The following CDK14 variants were observed in gnomAD, a reference collection of about 807,000 sequenced individuals.
CDK14 encodes the protein cyclin-dependent kinase 14.
Under a neutral mutation model 60.7 loss-of-function variants are expected in CDK14, and 34 were observed. The observed-to-expected ratio is 0.56, with a 90% CI of 0.43 to 0.75. The LOEUF is 0.75. Ranked by LOEUF, CDK14 falls within the 30% of genes least tolerant of loss-of-function variation. The probability of loss-of-function intolerance (pLI) is 0.00; values close to 1 mark genes in which losing one functional copy is unlikely to be tolerated. For synonymous variants in CDK14, 197 were observed against 203.7 expected (o/e 0.97, Z 0.28); for missense variants, 482 against 564.1 (o/e 0.85, Z 1.47).
At chr7:91,073,489 G>C (rs1247330464) in intron 11 of CDK14, among the ~76,000 whole-genome samples, 1 of 152,098 alleles carries the variant, frequency 6.6e-6, no homozygotes, top group Non-Finnish European at 1.5e-5. Context: ...TCTTGCAAGA[G>C]CTCCTGAAGG....
intron 14 of CDK14, among the ~76,000 whole-genome samples, chr7:91,200,275 A>C (rs1248045842): frequency 6.6e-6 from 1 of 152,200 alleles, no homozygotes; most frequent in Admixed American, 6.5e-5. Context: ...ATATACAAAT[A>C]TGTGTGTGTA....
intron 2 of CDK14, among the ~76,000 whole-genome samples, chr7:90,658,561 A>G (rs74957278): frequency 0.048 from 7,236 of 152,282 alleles, 205 homozygotes; most frequent in Non-Finnish European, 0.055. Context: ...CATCCACTGT[A>G]TGGTCTTTTG....
chr7:91,128,665 T>G (rs1298402808), intron 14 of CDK14, among the ~76,000 whole-genome samples: 1 of 151,956 alleles, frequency 6.6e-6, no homozygotes, highest in Non-Finnish European at 1.5e-5. Context: ...GGTTTCCCAG[T>G]CTGTACCTTT....
At chr7:90,638,052 A>T (rs1800202458) in intron 2 of CDK14, among the ~76,000 whole-genome samples, 1 of 149,950 alleles carries the variant, frequency 6.7e-6, no homozygotes, top group Non-Finnish European at 1.5e-5. Context: ...TTTCCTGAAT[A>T]CAACACACTG....
At chr7:90,761,696 G>A (rs938894687) in intron 4 of CDK14, among the ~76,000 whole-genome samples, 10 of 152,124 alleles carry the variant, frequency 6.6e-5, no homozygotes, top group Admixed American at 4.6e-4. Context: ...GAGATGCTGC[G>A]GAATATCCTA....
chr7:90,723,696 C>T (rs1303746349), intron 2 of CDK14, among the ~76,000 whole-genome samples: 3 of 152,094 alleles, frequency 2.0e-5, no homozygotes, highest in Admixed American at 6.6e-5. Context: ...TTATTGGGAG[C>T]CATGTTAGAG....
intron 8 of CDK14, among the ~76,000 whole-genome samples, chr7:90,924,782 T>G (rs925631680): frequency 1.3e-5 from 2 of 152,168 alleles, no homozygotes; most frequent in African/African-American, 4.8e-5. Context: ...TCTTTCTTCC[T>G]TTTTTCCCTA....
intron 14 of CDK14, among the ~76,000 whole-genome samples, chr7:91,124,214 T>C (rs1799871657): frequency 6.6e-6 from 1 of 152,108 alleles, no homozygotes; most frequent in Non-Finnish European, 1.5e-5. Context: ...TATATTGACA[T>C]AATTTCATGT....
chr7:91,189,064 C>A (rs1190160550), intron 14 of CDK14, among the ~76,000 whole-genome samples: 1 of 152,152 alleles, frequency 6.6e-6, no homozygotes, highest in African/African-American at 2.4e-5. Context: ...CATTTTACTT[C>A]ATCATTAATG....
intron 10 of CDK14, among the ~76,000 whole-genome samples, chr7:91,045,310 G>A (rs1562880931): frequency 2.6e-5 from 4 of 152,212 alleles, no homozygotes; most frequent in African/African-American, 9.7e-5. Context: ...GATGGAGAAA[G>A]AAGGTAGACA....
In CDK14 at chr7:91,096,418, T is replaced by A. The variant is rs377418033; in HGVS notation, c.1155-16124T>A. 1.2e-3 allele frequency among the ~76,000 whole-genome samples: 183 copies of A among 152,250 alleles called. 2 individuals are homozygous for A. Among genetic ancestry groups the A allele is most frequent in the African/African-American group, 4.2e-3 (176 of 41,548 alleles). On this transcript the variant is annotated intron_variant, in intron 12 of 14. Transcript: ENST00000380050. The stretch of plus-strand genomic sequence containing the variant: ...CCATGTGAACGAATTACCTTGGAAG[T>A]GGATCCATCAGACCCAAACTTCAAA...
At chr7:90,880,458 G>A (rs1791708995) in intron 6 of CDK14, among the ~76,000 whole-genome samples, 1 of 152,310 alleles carries the variant, frequency 6.6e-6, no homozygotes, top group Admixed American at 6.5e-5. Flanking sequence ...ACCCTAGGGG[G>A]AGGAGTGGCC....
chr7:91,182,687 C>G lies in CDK14; in HGVS notation c.*29-24478C>G, dbSNP rs188462875. On this transcript the variant is annotated intron_variant, in intron 14 of 14. Transcript: ENST00000380050. Reference sequence around the variant, plus strand: ...AATGGTGATGTGCTTCTCTTTATACCACTATATGCACCTACCACCTGCCAT... The same window carrying G: ...AATGGTGATGTGCTTCTCTTTATACGACTATATGCACCTACCACCTGCCAT... Among the ~76,000 whole-genome samples, 207 of 152,142 alleles carry G rather than the reference C, an allele frequency of 1.4e-3. 1 individual carries two copies. The highest frequency in any genetic ancestry group is 4.6e-3 in the African/African-American group (193 of 41,516).
chr7:90,974,376 A>T (rs964823821), intron 9 of CDK14, among the ~76,000 whole-genome samples: 1 of 152,142 alleles, frequency 6.6e-6, no homozygotes, highest in African/African-American at 2.4e-5. Flanking sequence ...TCCTCAGCTT[A>T]TGAAGATTAC....
At chr7:90,787,368 T>C (rs1805639509) in intron 4 of CDK14, among the ~76,000 whole-genome samples, 2 of 152,188 alleles carry the variant, frequency 1.3e-5, no homozygotes, top group Admixed American at 6.5e-5. Flanking sequence ...TAAAAACTTT[T>C]CTATATGTAG....
intron 6 of CDK14, among the ~76,000 whole-genome samples, chr7:90,893,490 G>A (rs767082959): frequency 3.9e-4 from 59 of 152,298 alleles, no homozygotes; most frequent in Non-Finnish European, 1.5e-4. Context: ...TTGGTCATAT[G>A]CCATAGTGAT....
chr7:91,156,917 T>A (rs1801002517), intron 14 of CDK14, among the ~76,000 whole-genome samples: 1 of 152,194 alleles, frequency 6.6e-6, no homozygotes, highest in Non-Finnish European at 1.5e-5. Context: ...TGGATGGGCC[T>A]TCACTTGGAT....
At position 91,079,595 on chromosome 7, in the gene CDK14, C is replaced by A; in HGVS notation, c.1154+115C>A. The A allele has an allele frequency of 7.7e-6, 6 of 778,622 alleles. No homozygotes were observed. In the East Asian group the frequency reaches 8.0e-5, roughly 10 times the overall value. 48.2% of individuals were successfully genotyped at this position (778,622 alleles called of 1,614,324 possible). A position where few individuals can be genotyped will look rare whatever the true frequency, so the allele number is the denominator to read the frequency against. On this transcript the variant is annotated intron_variant, in intron 12 of 14. Transcript: ENST00000380050. ...TCATCCTGCTGTGTATTTATTCATT[C>A]ATTTAACCATTAAACTGCTGTTAAA... is the stretch of plus-strand genomic sequence containing the variant.
At chr7:90,864,090 C>G (rs995732938) in intron 6 of CDK14, among the ~76,000 whole-genome samples, 1 of 151,198 alleles carries the variant, frequency 6.6e-6, no homozygotes, top group Admixed American at 6.6e-5. Context: ...AATTACCACA[C>G]TACTTTTTAA....
Sources: allele counts gnomAD v4.1 joint callset (sites outside exome capture counted in the v4.1 genomes callset), GRCh38; gene constraint gnomAD v4.1.1; transcripts MANE v1.5; gene names NCBI Gene and HGNC (gene_info 2026-07-23, HGNC 2026-07-21).